Variants in TM4SF5 observed in about 807,000 individuals in gnomAD.
TM4SF5 encodes transmembrane 4 L six family member 5.
Under a neutral mutation model 22.3 loss-of-function variants are expected in TM4SF5, and 16 were observed. The observed-to-expected ratio is 0.72, with a 90% CI of 0.49 to 1.09. The LOEUF is 1.09. Among genes scored for constraint, TM4SF5 ranks in the 50% least tolerant of loss-of-function variants. The pLI is 0.00. For synonymous variants in TM4SF5, 113 were observed against 109.6 expected, an observed-to-expected ratio of 1.03 and a Z score of -0.19; for missense variants, 249 against 266.1, an observed-to-expected ratio of 0.94 and a Z score of 0.45.
chr17:4,776,524 A>G (rs1236041462), intron 1 of TM4SF5, among the ~76,000 whole-genome samples: 1 of 151,478 alleles, frequency 6.6e-6, no homozygotes, highest in African/African-American at 2.4e-5. Flanking sequence ...CTGGTTTTGA[A>G]CTCCCAACCT....
In TM4SF5 at chr17:4,771,919, C is replaced by T. The variant is rs1435085899; in HGVS notation, c.-4C>T. ...TCACCGCCTGTCCTTCCTGACACCT[C>T]ACCATGTGTACGGGAAAATGTGCCC... is the stretch of plus-strand genomic sequence containing the variant. On this transcript the variant is annotated 5_prime_UTR_variant, in exon 1 of 5. Transcript: ENST00000270560. 1 of 1,614,060 alleles carries T rather than the reference C, an allele frequency of 6.2e-7. No homozygotes were observed. Among genetic ancestry groups the T allele is most frequent in the Non-Finnish European group, 8.5e-7 (1 of 1,180,026 alleles).
chr17:4,772,337 G>A (rs1283437356), intron 1 of TM4SF5, among the ~76,000 whole-genome samples: 1 of 152,180 alleles, frequency 6.6e-6, no homozygotes, highest in Non-Finnish European at 1.5e-5. Context: ...TCCCCTACCG[G>A]GTAGGGAGCA....
chr17:4,776,457 G>A (rs144073325), intron 1 of TM4SF5, among the ~76,000 whole-genome samples: 2 of 151,758 alleles, frequency 1.3e-5, no homozygotes, highest in African/African-American at 2.4e-5. Context: ...ATGTGCCACC[G>A]TGCCCAGTTA....
At position 4,782,967 on chromosome 17, in the gene TM4SF5, T is replaced by C; in HGVS notation, c.509T>C (p.Ile170Thr). ...CTGGTGGCCGCCTCCTGCCTGGAGA[T>C]AGTACTGTGTGGGATCCAGCTGGTG... Reference protein sequence around the residue: ...SLLVAASCLEIVLCGIQLVNA... With the variant: ...SLLVAASCLETVLCGIQLVNA... The change falls in exon 4 of 5, where the codon ATA becomes ACA. Residue 170 changes from isoleucine to threonine, a missense_variant. Transcript: ENST00000270560. 6.2e-7 allele frequency: 1 copy of C among 1,614,206 alleles called. No homozygotes were observed. The highest frequency in any genetic ancestry group is 1.7e-5 in the Admixed American group (1 of 60,028).
chr17:4,782,351 T>G, intron 2 of TM4SF5, 152 bp from the exon 3 acceptor site: 1 of 875,296 alleles, frequency 1.1e-6, no homozygotes, highest in Non-Finnish European at 1.8e-6. Flanking sequence ...AGTGCTGAGA[T>G]TACAGGGGTG....
At chr17:4,776,311 GT>G (rs1238380805) in intron 1 of TM4SF5, among the ~76,000 whole-genome samples, 1 of 149,908 alleles carries the variant, frequency 6.7e-6, no homozygotes, top group Non-Finnish European at 1.5e-5. Context: ...TTGCTTTTTT[GT>G]TTTTTTTGAA....
chr17:4,773,968 C>T (rs1430370449), intron 1 of TM4SF5, among the ~76,000 whole-genome samples: 1 of 152,230 alleles, frequency 6.6e-6, no homozygotes, highest in Non-Finnish European at 1.5e-5. Flanking sequence ...GTAATCCCAA[C>T]ACTTTGGGAG....
intron 1 of TM4SF5, among the ~76,000 whole-genome samples, chr17:4,776,250 C>CTATA (rs1355127087): frequency 1.3e-5 from 2 of 151,934 alleles, no homozygotes; most frequent in African/African-American, 4.8e-5. Flanking sequence ...TATTATGTGA[C>CTATA]TATACCTCAT....
intron 3 of TM4SF5, 30 bp downstream of exon 3, chr17:4,782,669 A>G: frequency 6.2e-7 from 1 of 1,611,962 alleles, no homozygotes; most frequent in Non-Finnish European, 8.5e-7. Flanking sequence ...CGTGTCCTCC[A>G]TTCTCTGCCT....
chr17:4,775,158 G>A (rs1318587565), intron 1 of TM4SF5, among the ~76,000 whole-genome samples: 1 of 152,084 alleles, frequency 6.6e-6, no homozygotes, highest in Admixed American at 6.6e-5. Flanking sequence ...GTAATGAGAT[G>A]AGGTCTGAGG....
In TM4SF5 at chr17:4,783,095, C is replaced by T. The variant is rs200774599; in HGVS notation, c.580-19C>T. On this transcript the variant is annotated intron_variant, in intron 4 of 4. Coordinates refer to ENST00000270560, the MANE Select transcript of TM4SF5 (RefSeq NM_003963.3). The stretch of plus-strand genomic sequence containing the variant: ...ACCTGCCTGGTCCTGGCTGCGTTCT[C>T]ACCTTCTCTTTTCCGCAGGACACAC... 7 of 1,614,184 alleles carry T rather than the reference C, an allele frequency of 4.3e-6. No homozygotes were observed. The East Asian group carries it at 1.6e-4, about 36-fold the overall frequency.
At chr17:4,779,536 C>A (rs1567708152) in intron 1 of TM4SF5, among the ~76,000 whole-genome samples, 1 of 151,878 alleles carries the variant, frequency 6.6e-6, no homozygotes, top group Non-Finnish European at 1.5e-5. Context: ...CTGAGAACAC[C>A]CTCATGGGAG....
intron 2 of TM4SF5, among the ~76,000 whole-genome samples, chr17:4,781,253 C>G (rs541440557): frequency 1.4e-4 from 22 of 151,950 alleles, no homozygotes; most frequent in African/African-American, 5.3e-4. Context: ...TCACTTGAAC[C>G]CTGGAGGCAG....
intron 1 of TM4SF5, among the ~76,000 whole-genome samples, chr17:4,776,586 G>A (rs980881702): frequency 4.6e-5 from 7 of 152,348 alleles, no homozygotes; most frequent in African/African-American, 1.2e-4. Context: ...ACAGGCATAA[G>A]CCACTGTGCC....
chr17:4,781,293 G>C lies in TM4SF5; in HGVS notation c.258+424G>C, dbSNP rs181308654. On this transcript the variant is annotated intron_variant, in intron 2 of 4. Transcript: ENST00000270560. ...TGCAATGGGCCGAGATCACACCATT[G>C]CACTCCAGCCTGGGCAACAAGAGTG... 4.3e-3 allele frequency among the ~76,000 whole-genome samples: 655 copies of C among 151,272 alleles called. 5 individuals carry two copies. Among genetic ancestry groups the C allele is most frequent in the African/African-American group, 0.015 (618 of 41,082 alleles).
At position 4,782,902 on chromosome 17, in the gene TM4SF5, C is replaced by G; in HGVS notation, c.444C>G (p.Pro148=). The change falls in exon 4 of 5, where the codon CCC becomes CCG. Residue 148 remains proline, a synonymous_variant. Coordinates refer to ENST00000270560, the MANE Select transcript of TM4SF5 (RefSeq NM_003963.3). ...CTCTATGGGATCGGTGCGAGGCGCC[C>G]CCTCGCGTGGTCCCCTGGAATGTGA... ...NRTLWDRCEA[P]PRVVPWNVTL... 2 of 1,614,176 alleles carry G rather than the reference C, an allele frequency of 1.2e-6. No individual in the cohort carries two copies. Among genetic ancestry groups the G allele is most frequent in the Non-Finnish European group, 1.7e-6 (2 of 1,180,028 alleles).
intron 1 of TM4SF5, among the ~76,000 whole-genome samples, chr17:4,779,751 G>T (rs1422824801): frequency 6.6e-6 from 1 of 152,190 alleles, no homozygotes; most frequent in Non-Finnish European, 1.5e-5. Context: ...CGTGAGGCTG[G>T]TTGAATTTGA....
chr17:4,778,915 G>C lies in TM4SF5; in HGVS notation c.178-1874G>C, dbSNP rs999667542. 2.4e-4 allele frequency among the ~76,000 whole-genome samples: 36 copies of C among 151,884 alleles called. 1 individual carries two copies. Among genetic ancestry groups the C allele is most frequent in the Admixed American group, 6.6e-5 (1 of 15,192 alleles). On this transcript the variant is annotated intron_variant, in intron 1 of 4. Coordinates refer to ENST00000270560, the MANE Select transcript of TM4SF5 (RefSeq NM_003963.3). ...TACTAAAAATACAAAAAATTAGCCCGGCGTGGTGGCATGTGCATGTAGTCC... is the reference window on the plus strand; with the variant it reads ...TACTAAAAATACAAAAAATTAGCCCCGCGTGGTGGCATGTGCATGTAGTCC...
chr17:4,776,778 A>G (rs1216575955), intron 1 of TM4SF5, among the ~76,000 whole-genome samples: 2 of 152,194 alleles, frequency 1.3e-5, no homozygotes, highest in African/African-American at 4.8e-5. Flanking sequence ...GCGCTAATAG[A>G]TATTGCCAGT....
Sources: allele counts gnomAD v4.1 joint callset (sites outside exome capture counted in the v4.1 genomes callset), GRCh38; gene constraint gnomAD v4.1.1; transcripts MANE v1.5; gene names NCBI Gene and HGNC (gene_info 2026-07-23, HGNC 2026-07-21).